Variants in MYCBP2 observed in about 807,000 individuals in gnomAD.
The protein encoded by MYCBP2 is E3 ubiquitin-protein ligase MYCBP2.
In MYCBP2, 120 loss-of-function variants were observed where a neutral mutation model predicts 525.3. The observed-to-expected ratio is 0.23, with a 90% confidence interval of 0.20 to 0.27. The LOEUF is 0.27. MYCBP2 is among the 10% of genes least tolerant of loss of function. The pLI is 1.00. For synonymous variants in MYCBP2, 1,894 were observed against 1,955.8 expected (o/e 0.97, Z 0.83); for missense variants, 4,149 against 5,657.1 (o/e 0.73, Z 8.55).
In MYCBP2 at chr13:77,317,330, C is replaced by T. The variant is rs542397071; in HGVS notation, c.302+9144G>A. Among the ~76,000 whole-genome samples, 7 of 152,312 alleles carry T rather than the reference C, an allele frequency of 4.6e-5. No homozygotes were observed. The South Asian group carries it at 1.2e-3, about 27-fold the overall frequency. ...TTAAAGTATAACAGGATTCTCATAG[C>T]GCCCTCTGTTGGAAATGTTTCTCTT... On this transcript the variant is annotated intron_variant, in intron 1 of 82. Coordinates refer to ENST00000544440, the MANE Select transcript of MYCBP2 (RefSeq NM_015057.5).
At chr13:77,206,601 C>A in intron 24 of MYCBP2, 52 bp downstream of exon 24, 2 of 1,433,176 alleles carry the variant, frequency 1.4e-6, no homozygotes, top group Non-Finnish European at 1.8e-6. Flanking sequence ...AAAAAAAACC[C>A]TGGACAGCAC....
Position 77,293,695 on chromosome 13 carries a change from C to T in MYCBP2, c.378+2904G>A, listed in dbSNP as rs1041717154. ...TGGACAGTAAGAGGAGGAGATAAAACAACAGAAAACTATCAGTGATGCCGC... is the reference window on the plus strand; with the variant it reads ...TGGACAGTAAGAGGAGGAGATAAAATAACAGAAAACTATCAGTGATGCCGC... On this transcript the variant is annotated intron_variant, in intron 2 of 82. Transcript: ENST00000544440. Among the ~76,000 whole-genome samples, 9 of 152,024 alleles carry T rather than the reference C, an allele frequency of 5.9e-5. 1 individual carries two copies. Among genetic ancestry groups the T allele is most frequent in the African/African-American group, 2.2e-4 (9 of 41,420 alleles).
intron 17 of MYCBP2, among the ~76,000 whole-genome samples, chr13:77,235,896 G>A (rs1031846993): frequency 6.6e-6 from 1 of 151,968 alleles, no homozygotes; most frequent in African/African-American, 2.4e-5. Flanking sequence ...TAAAGGTTCA[G>A]AGGTAGGGGA....
At position 77,243,177 on chromosome 13, in the gene MYCBP2, AAAC is replaced by A. The variant is rs577131164; in HGVS notation, c.2528-20_2528-18del. On this transcript the variant is annotated intron_variant, in intron 16 of 82. Coordinates refer to ENST00000544440, the MANE Select transcript of MYCBP2 (RefSeq NM_015057.5). The stretch of plus-strand genomic sequence containing the variant: ...CTGGGACAGCTAGATGATTGGCCAA[AAAC>A]AACAACAACAACAACATATATGTTA... The A allele has an allele frequency of 2.4e-4, 367 of 1,506,434 alleles. No homozygotes were observed. The highest frequency in any genetic ancestry group is 2.8e-4 in the Non-Finnish European group (306 of 1,082,486). The allele number at this position is 1,506,434 out of a possible 1,614,324, so 93.3% of individuals were successfully genotyped here.
intron 18 of MYCBP2, among the ~76,000 whole-genome samples, chr13:77,231,907 G>A (rs1297551631): frequency 6.6e-6 from 1 of 152,040 alleles, no homozygotes; most frequent in Non-Finnish European, 1.5e-5. Flanking sequence ...TTTCTTTTTG[G>A]AATCAGCTGT....
chr13:77,307,175 C>T (rs894887737), intron 1 of MYCBP2, among the ~76,000 whole-genome samples: 5 of 152,068 alleles, frequency 3.3e-5, no homozygotes, highest in Non-Finnish European at 7.4e-5. Flanking sequence ...CTTCCTCCTT[C>T]CCCCATCCCA....
chr13:77,132,863 G>C (rs535437077), intron 52 of MYCBP2, among the ~76,000 whole-genome samples: 18 of 152,158 alleles, frequency 1.2e-4, no homozygotes, highest in African/African-American at 4.3e-4. Flanking sequence ...CATTGTCCCT[G>C]ATATTTGAAA....
chr13:77,308,766 G>A (rs2079776165), intron 1 of MYCBP2, among the ~76,000 whole-genome samples: 1 of 152,224 alleles, frequency 6.6e-6, no homozygotes, highest in Non-Finnish European at 1.5e-5. Flanking sequence ...GACATATTAT[G>A]AAGCCAGTTA....
chr13:77,314,637 T>A, intron 1 of MYCBP2, among the ~76,000 whole-genome samples: 1 of 152,142 alleles, frequency 6.6e-6, no homozygotes, highest in East Asian at 1.9e-4. Flanking sequence ...GGAGCACAGA[T>A]GATATTGAGG....
chr13:77,113,528 A>T (rs148689057), intron 55 of MYCBP2, among the ~76,000 whole-genome samples: 1 of 152,288 alleles, frequency 6.6e-6, no homozygotes, highest in East Asian at 1.9e-4. Context: ...ATGGTAATGA[A>T]GGGTGAAATA....
chr13:77,156,022 T>C (rs747986880), intron 46 of MYCBP2, 36 bp downstream of exon 46: 6 of 1,597,144 alleles, frequency 3.8e-6, no homozygotes, highest in Admixed American at 3.4e-5. Context: ...GCAGCCAGTA[T>C]ATAGATGTCT....
chr13:77,177,503 G>A lies in MYCBP2; in HGVS notation c.5340+245C>T, dbSNP rs111981666. 8.8e-3 allele frequency among the ~76,000 whole-genome samples: 1,333 copies of A among 151,686 alleles called. 15 individuals carry two copies. The highest frequency in any genetic ancestry group is 0.031 in the African/African-American group (1,273 of 41,362). On this transcript the variant is annotated intron_variant, in intron 35 of 82. Transcript: ENST00000544440. ...ATTACAGGCGTGCGTTGTATTTTTC[G>A]TAGAGATAGGGTTTTGCCATATTGC... is the stretch of plus-strand genomic sequence containing the variant.
At chr13:77,199,981 G>C (rs2062287916) in intron 26 of MYCBP2, among the ~76,000 whole-genome samples, 1 of 152,240 alleles carries the variant, frequency 6.6e-6, no homozygotes, top group Non-Finnish European at 1.5e-5. Flanking sequence ...AAAAAGCAGA[G>C]CAACTCTCCT....
rs1314349033 is a variant in MYCBP2, at chr13:77,077,320, A to G, written c.11552T>C (p.Ile3851Thr). ...SELPGGDNHI[I>T]KIELKGPENT... ...TTCTGGGCCTTTTAATTCAATTTTT[A>G]TGATGTGATTATCCCCTCCTGGAAG... The change falls in exon 67 of 83, where the codon ATA (isoleucine) becomes ACA (threonine). Residue 3851 changes from isoleucine (I) to threonine (T), a missense_variant. Ile to Thr is a moderately conservative substitution (Grantham distance 89). Transcript: ENST00000544440. The G allele has an allele frequency of 1.2e-6, 2 of 1,613,868 alleles. No homozygotes were observed. Among genetic ancestry groups the G allele is most frequent in the Admixed American group, 3.3e-5 (2 of 59,968 alleles).
chr13:77,244,745 A>G (rs2069557196), intron 15 of MYCBP2, among the ~76,000 whole-genome samples: 3 of 152,178 alleles, frequency 2.0e-5, no homozygotes. Flanking sequence ...AGAATGGGAG[A>G]AAATTTTTGC....
chr13:77,057,504 A>G (rs2038351090), intron 78 of MYCBP2, among the ~76,000 whole-genome samples: 1 of 152,186 alleles, frequency 6.6e-6, no homozygotes, highest in Admixed American at 6.5e-5. Flanking sequence ...AAAAAAACCT[A>G]TTTAGTGCAC....
At chr13:77,171,692 G>A (rs914925398) in intron 37 of MYCBP2, 58 bp from the exon 38 acceptor site, 4 of 1,527,472 alleles carry the variant, frequency 2.6e-6, no homozygotes, top group Non-Finnish European at 3.6e-6. Context: ...ATGATCCAGT[G>A]CCAGAAATCA....
chr13:77,239,126 A>T (rs959416028), intron 17 of MYCBP2, among the ~76,000 whole-genome samples: 1 of 152,202 alleles, frequency 6.6e-6, no homozygotes, highest in Non-Finnish European at 1.5e-5. Context: ...ACTCAAAAAA[A>T]AAGAACTAGA....
At chr13:77,194,895 A>G (rs1161912317) in intron 26 of MYCBP2, among the ~76,000 whole-genome samples, 1 of 152,196 alleles carries the variant, frequency 6.6e-6, no homozygotes, top group Non-Finnish European at 1.5e-5. Flanking sequence ...AGCATGAAAC[A>G]AATGGCTCTT....
Sources: allele counts gnomAD v4.1 joint callset (sites outside exome capture counted in the v4.1 genomes callset), GRCh38; gene constraint gnomAD v4.1.1; transcripts MANE v1.5; gene names NCBI Gene and HGNC (gene_info 2026-07-23, HGNC 2026-07-21).